Variants in DNAH17 observed in about 807,000 individuals in gnomAD.
DNAH17 encodes axonemal beta dynein heavy chain 17.
DNAH17 carries 376 observed loss-of-function variants against 485.6 expected under a neutral mutation model. The ratio of observed to expected loss-of-function variants is 0.77; its 90% CI spans 0.71 to 0.84. DNAH17 has a LOEUF of 0.84. DNAH17 is among the 40% of genes least tolerant of loss of function. DNAH17 has a pLI of 0.00. For missense variants in DNAH17, 6,370 were observed against 5,839.3 expected (o/e 1.09, Z -2.96); for synonymous variants, 3,031 against 2,405.9 (o/e 1.26, Z -7.60).
chr17:78,465,007 G>A (rs2088346353), intron 56 of DNAH17, among the ~76,000 whole-genome samples: 1 of 152,226 alleles, frequency 6.6e-6, no homozygotes, highest in African/African-American at 2.4e-5. Context: ...GCTGGACTGT[G>A]CTGCTGCCAT....
rs145820267 is a variant in DNAH17 at position 78,486,284 on chromosome 17, G to T, written c.7041C>A (p.Tyr2347Ter). Residue 2347 changes from tyrosine (Y) to a stop codon, truncating the protein, a stop_gained, in exon 45 of 81, where the codon TAC becomes TAA. Coordinates refer to ENST00000389840, the MANE Select transcript of DNAH17 (RefSeq NM_173628.4). LOFTEE classifies it high-confidence loss of function. Reference sequence around the variant, plus strand: ...AGCAGGTGAACACGAAGTACAGCTCGTACAGCTCCCTGGGGGAGTCGGGGG... The same window carrying T: ...AGCAGGTGAACACGAAGTACAGCTCTTACAGCTCCCTGGGGGAGTCGGGGG... ...TVPPDSPREL[Y>*]ELYFVFTCFW... The T allele has an allele frequency of 6.2e-7, 1 of 1,610,716 alleles. No homozygotes were observed. Among genetic ancestry groups the T allele is most frequent in the Admixed American group, 1.7e-5 (1 of 59,914 alleles).
chr17:78,574,170 G>A (rs2092400723), intron 2 of DNAH17, among the ~76,000 whole-genome samples: 1 of 152,160 alleles, frequency 6.6e-6, no homozygotes, highest in African/African-American at 2.4e-5. Context: ...TCAAGGGCAC[G>A]AGCACCACCT....
intron 11 of DNAH17, among the ~76,000 whole-genome samples, chr17:78,565,564 G>A (rs2092249964): frequency 6.6e-6 from 1 of 152,216 alleles, no homozygotes; most frequent in Non-Finnish European, 1.5e-5. Context: ...AGTCATGGGA[G>A]CTGGTCCGGC....
intron 64 of DNAH17, 82 bp from the exon 65 acceptor site, chr17:78,453,547 C>A: frequency 1.3e-6 from 2 of 1,564,334 alleles, no homozygotes; most frequent in African/African-American, 1.3e-5. Context: ...GCAGCCCCTG[C>A]CCTCTGAGCG....
At chr17:78,503,466 T>C (rs1440557623) in intron 31 of DNAH17, among the ~76,000 whole-genome samples, 1 of 151,302 alleles carries the variant, frequency 6.6e-6, no homozygotes, top group Admixed American at 6.6e-5. Flanking sequence ...ATTACAGGCA[T>C]GAGCCACCAC....
chr17:78,431,328 CGA>C (rs1457897943), intron 75 of DNAH17, among the ~76,000 whole-genome samples: 2 of 152,202 alleles, frequency 1.3e-5, no homozygotes, highest in Non-Finnish European at 2.9e-5. Flanking sequence ...CTGTGTCTCC[CGA>C]GAGGCAGGAA....
intron 29 of DNAH17, 31 bp from the exon 30 acceptor site, chr17:78,506,877 G>A (rs780781667): frequency 2.2e-5 from 35 of 1,613,178 alleles, no homozygotes; most frequent in East Asian, 1.3e-4. Flanking sequence ...AGAGGAGGCC[G>A]GTGACCCTAC....
At chr17:78,537,008 T>C (rs943337047) in intron 19 of DNAH17, among the ~76,000 whole-genome samples, 1 of 151,338 alleles carries the variant, frequency 6.6e-6, no homozygotes, top group Non-Finnish European at 1.5e-5. Context: ...ACCCAGTCTC[T>C]ACTAAAAAAA....
chr17:78,526,622 C>T (rs777543794), intron 24 of DNAH17, 29 bp downstream of exon 24: 3 of 1,552,536 alleles, frequency 1.9e-6, no homozygotes, highest in Non-Finnish European at 1.8e-6. Flanking sequence ...CCAGACTTAC[C>T]CCCTGATCTC....
In DNAH17 at chr17:78,468,750, G is replaced by A. The variant is rs771046286; in HGVS notation, c.8645C>T (p.Pro2882Leu). ...INDLLASGEI[P>L]GLFMEDEVEN... ...CACCTCGTCCTCCATAAACAGCCCA[G>A]GGATCTCTCCTGAGGCCAGCAGGTC... The change falls in exon 55 of 81, where the codon CCT (proline) becomes CTT (leucine). Residue 2882 changes from proline (P) to leucine (L), a missense_variant. Pro to Leu is a moderately conservative substitution (Grantham distance 98). Transcript: ENST00000389840. 6.2e-7 allele frequency: 1 copy of A among 1,613,906 alleles called. No homozygotes were observed. Among genetic ancestry groups the A allele is most frequent in the Non-Finnish European group, 8.5e-7 (1 of 1,179,904 alleles).
Position 78,500,294 on chromosome 17 carries a change from C to A in DNAH17, c.5640+11G>T. The A allele has an allele frequency of 6.2e-7, 1 of 1,605,594 alleles. No homozygotes were observed. Among genetic ancestry groups the A allele is most frequent in the Non-Finnish European group, 8.5e-7 (1 of 1,176,476 alleles). On this transcript the variant is annotated intron_variant, in intron 36 of 80. Coordinates refer to ENST00000389840, the MANE Select transcript of DNAH17 (RefSeq NM_173628.4). ...GACTCTGGGTCCCTCCTCCGGACCCCGGCCGCGTACCTTGTAGTCCATCTG... is the reference window on the plus strand; with the variant it reads ...GACTCTGGGTCCCTCCTCCGGACCCAGGCCGCGTACCTTGTAGTCCATCTG...
At position 78,475,898 on chromosome 17, in the gene DNAH17, C is replaced by G. The variant is rs1467247211; in HGVS notation, c.8155-65G>C. On this transcript the variant is annotated intron_variant, in intron 52 of 80. Transcript: ENST00000389840. The stretch of plus-strand genomic sequence containing the variant: ...CCACCATGACCACACAGATAGTTAA[C>G]AGCAATTCAGTACTTTGCCAAGGTG... 1.9e-6 allele frequency: 3 copies of G among 1,553,754 alleles called. No homozygotes were observed. In the African/African-American group the frequency reaches 4.1e-5, roughly 21 times the overall value.
intron 37 of DNAH17, 77 bp downstream of exon 37, chr17:78,498,931 C>CACA (rs1181248996): frequency 8.7e-7 from 1 of 1,148,720 alleles, no homozygotes; most frequent in East Asian, 2.7e-5. Context: ...GAGGGTCTAT[C>CACA]TGGCGTGTGA....
intron 13 of DNAH17, among the ~76,000 whole-genome samples, chr17:78,560,228 C>T (rs1009979857): frequency 6.6e-6 from 1 of 152,114 alleles, no homozygotes; most frequent in Non-Finnish European, 1.5e-5. Context: ...ATTTGGTGAA[C>T]GAAAGAATGA....
In DNAH17 at chr17:78,552,731, C is replaced by T. The variant is rs780682342; in HGVS notation, c.2253G>A (p.Leu751=). ...TCCAGAATAATGTCGTTTCAGCGCTCAATAACTTGACATCAATTGCTTCCA... is the reference window on the plus strand; with the variant it reads ...TCCAGAATAATGTCGTTTCAGCGCTTAATAACTTGACATCAATTGCTTCCA... ...SELEAIDVKL[L]SAETTLFWNG... Residue 751 remains leucine (L), a synonymous_variant, in exon 15 of 81, where the codon TTG becomes TTA. Transcript: ENST00000389840. 1.2e-6 allele frequency: 2 copies of T among 1,613,932 alleles called. No individual in the cohort carries two copies. Among genetic ancestry groups the T allele is most frequent in the Non-Finnish European group, 1.7e-6 (2 of 1,179,850 alleles).
intron 17 of DNAH17, among the ~76,000 whole-genome samples, chr17:78,541,779 T>A (rs2091596326): frequency 6.6e-6 from 1 of 152,090 alleles, no homozygotes; most frequent in Non-Finnish European, 1.5e-5. Context: ...TAACCCTAAG[T>A]CAAATCTCTC....
At position 78,526,669 on chromosome 17, in the gene DNAH17, G is replaced by A; in HGVS notation, c.3693C>T (p.Pro1231=). The A allele has an allele frequency of 1.9e-6, 3 of 1,609,648 alleles. No homozygotes were observed. The highest frequency in any genetic ancestry group is 2.5e-6 in the Non-Finnish European group (3 of 1,176,762). ...EAPFSFSDPN[P]YKSLNKQQKS... ...AAAATACCTTATTCAGGGACTTGTA[G>A]GGGTTGGGGTCGCTGAAGGAGAACG... Residue 1231 remains proline, a synonymous_variant, in exon 24 of 81, where the codon CCC becomes CCT. Transcript: ENST00000389840.
chr17:78,494,181 G>C lies in DNAH17; in HGVS notation c.6271-8C>G, dbSNP rs377563706. 1 of 1,607,130 alleles carries C rather than the reference G, an allele frequency of 6.2e-7. No individual in the cohort carries two copies. Among genetic ancestry groups the C allele is most frequent in the East Asian group, 2.2e-5 (1 of 44,680 alleles). On this transcript the variant is annotated splice_polypyrimidine_tract_variant and splice_region_variant and intron_variant, in intron 40 of 80. Transcript: ENST00000389840. ...GATGCTCTGCTTGATGATCTGGGGA[G>C]ACATGGATGAGGCTGGGTGAGGAAC...
At chr17:78,512,875 A>AG (rs1413504079) in intron 26 of DNAH17, among the ~76,000 whole-genome samples, 1 of 134,308 alleles carries the variant, frequency 7.4e-6, no homozygotes, top group African/African-American at 2.8e-5. Context: ...TGGGAGGTGG[A>AG]GGTTGCAGTG....
Sources: allele counts gnomAD v4.1 joint callset (sites outside exome capture counted in the v4.1 genomes callset), GRCh38; gene constraint gnomAD v4.1.1; transcripts MANE v1.5; gene names NCBI Gene and HGNC (gene_info 2026-07-23, HGNC 2026-07-21).